The following SNX11 variants were observed in gnomAD, a reference collection of about 807,000 sequenced individuals.
SNX11 encodes sorting nexin 11.
SNX11 carries 19 observed loss-of-function variants against 30.7 expected under a neutral mutation model. That is an observed-to-expected ratio of 0.62 (90% CI 0.43 to 0.91). SNX11 has a LOEUF of 0.91. Among genes scored for constraint, SNX11 ranks in the 40% least tolerant of loss-of-function variants. SNX11 has a pLI of 0.00. For synonymous variants in SNX11, 112 were observed against 119.0 expected, an observed-to-expected ratio of 0.94 and a Z score of 0.38; for missense variants, 302 against 326.7, an observed-to-expected ratio of 0.92 and a Z score of 0.58.
chr17:48,120,300 A>G (rs1415491661), intron 6 of SNX11, among the ~76,000 whole-genome samples: 3 of 135,848 alleles, frequency 2.2e-5, no homozygotes, highest in East Asian at 2.2e-4. Context: ...TCCGCCTCCC[A>G]GGTTCAAGCA....
Position 48,113,431 on chromosome 17 carries a change from C to A in SNX11, c.230+30C>A. 2.0e-6 allele frequency: 3 copies of A among 1,536,354 alleles called. No individual in the cohort carries two copies. The South Asian group carries it at 3.4e-5, about 17-fold the overall frequency. Reference sequence around the variant, plus strand: ...GTTTGCTCTTGCTTCCTTCTTGGGTCTGTGACTGGCTTTTTGGGTGCTTAT... The same window carrying A: ...GTTTGCTCTTGCTTCCTTCTTGGGTATGTGACTGGCTTTTTGGGTGCTTAT... On this transcript the variant is annotated intron_variant, in intron 4 of 6. Transcript: ENST00000359238.
In SNX11 at chr17:48,112,092, G is replaced by A; in HGVS notation, c.42+7G>A. 2.5e-6 allele frequency: 4 copies of A among 1,613,470 alleles called. No individual in the cohort carries two copies. Among genetic ancestry groups the A allele is most frequent in the Non-Finnish European group, 3.4e-6 (4 of 1,179,440 alleles). On this transcript the variant is annotated splice_region_variant and intron_variant, in intron 2 of 6. Transcript: ENST00000359238. ...GGAGAACCAAGAACAGGAGGTAAGA[G>A]TATGGTCTGCAGAGAACAGGTGGGT...
intron 6 of SNX11, among the ~76,000 whole-genome samples, chr17:48,119,612 TG>T (rs1245235918): frequency 6.6e-6 from 1 of 152,052 alleles, no homozygotes; most frequent in Non-Finnish European, 1.5e-5. Context: ...CCACCACACC[TG>T]GCTAAGTTTT....
Position 48,112,054 on chromosome 17 carries a change from G to A in SNX11, c.11G>A (p.Trp4Ter), listed in dbSNP as rs1192697429. 6.2e-7 allele frequency: 1 copy of A among 1,613,642 alleles called. No individual in the cohort carries two copies. The part of the protein sequence containing the change: MGF[W>*]CRMSENQEQE... Reference sequence around the variant, plus strand: ...AGATGTTTCCTTCCAATGGGCTTTTGGTGTAGGATGTCGGAGAACCAAGAA... The same window carrying A: ...AGATGTTTCCTTCCAATGGGCTTTTAGTGTAGGATGTCGGAGAACCAAGAA... Residue 4 changes from tryptophan to a stop codon, truncating the protein, a stop_gained, in exon 2 of 7, where the codon TGG becomes TAG. Transcript: ENST00000359238. LOFTEE classifies it high-confidence loss of function.
rs1177371127 is a variant in SNX11, at chr17:48,121,540, A to C, written c.*32A>C. 1 of 1,606,808 alleles carries C rather than the reference A, an allele frequency of 6.2e-7. No homozygotes were observed. Among genetic ancestry groups the C allele is most frequent in the East Asian group, 2.2e-5 (1 of 44,840 alleles). ...GGTTCTGCTCTGAGATGGTCAGAGA[A>C]GATGCGGGCCAGGAGACTTACTCAG... is the stretch of plus-strand genomic sequence containing the variant. On this transcript the variant is annotated 3_prime_UTR_variant, in exon 7 of 7. Transcript: ENST00000359238.
At chr17:48,116,197 G>A (rs2063544824) in intron 4 of SNX11, among the ~76,000 whole-genome samples, 1 of 152,098 alleles carries the variant, frequency 6.6e-6, no homozygotes, top group Non-Finnish European at 1.5e-5. Flanking sequence ...GGCAGAGGTT[G>A]CAGTGAGCTG....
intron 4 of SNX11, among the ~76,000 whole-genome samples, chr17:48,115,705 A>G (rs2063538675): frequency 1.3e-5 from 2 of 152,170 alleles, no homozygotes; most frequent in South Asian, 2.1e-4. Context: ...CCACCTGCCA[A>G]ATAAGTCCTG....
chr17:48,119,404 G>A (rs2063576949), intron 6 of SNX11, among the ~76,000 whole-genome samples: 1 of 152,142 alleles, frequency 6.6e-6, no homozygotes, highest in Non-Finnish European at 1.5e-5. Flanking sequence ...AGAAGGGAAA[G>A]CTTTCTCATT....
chr17:48,114,684 CTTT>C (rs35097487), intron 4 of SNX11, among the ~76,000 whole-genome samples: 2 of 112,884 alleles, frequency 1.8e-5, no homozygotes, highest in Non-Finnish European at 1.7e-5. Flanking sequence ...GTTTTTTTTG[CTTT>C]TTTTTTTTTT....
Position 48,113,283 on chromosome 17 carries a change from A to G in SNX11, c.130-18A>G, listed in dbSNP as rs781172848. 8 of 1,601,092 alleles carry G rather than the reference A, an allele frequency of 5.0e-6. No homozygotes were observed. In the Admixed American group the frequency reaches 8.4e-5, roughly 17 times the overall value. ...CCACTAAACCCTTTTCATGTACTTC[A>G]TGTGCTTTCATGTATAGACCAACAG... On this transcript the variant is annotated intron_variant, in intron 3 of 6. Coordinates refer to ENST00000359238, the MANE Select transcript of SNX11 (RefSeq NM_013323.3).
intron 4 of SNX11, among the ~76,000 whole-genome samples, chr17:48,116,814 C>A (rs1037237265): frequency 6.6e-5 from 10 of 151,530 alleles, no homozygotes; most frequent in Admixed American, 6.6e-4. Context: ...GATCTACGTG[C>A]CTTGTCCTCC....
intron 1 of SNX11, among the ~76,000 whole-genome samples, chr17:48,111,348 C>G (rs1232822058): frequency 1.3e-5 from 2 of 152,066 alleles, no homozygotes; most frequent in Admixed American, 6.5e-5. Context: ...GTTAGGCTCG[C>G]TTTCAAAGCT....
chr17:48,118,296 T>C (rs1490410613), intron 4 of SNX11, among the ~76,000 whole-genome samples: 1 of 151,958 alleles, frequency 6.6e-6, no homozygotes, highest in African/African-American at 2.4e-5. Context: ...AAAAGCTAAT[T>C]GGGGCCAGGC....
At chr17:48,115,996 G>A (rs1385541031) in intron 4 of SNX11, among the ~76,000 whole-genome samples, 1 of 149,820 alleles carries the variant, frequency 6.7e-6, no homozygotes, top group Non-Finnish European at 1.5e-5. Flanking sequence ...TGCCGGTCGC[G>A]GTGGCTCACG....
chr17:48,115,994 G>A (rs552032788), intron 4 of SNX11, among the ~76,000 whole-genome samples: 6 of 146,414 alleles, frequency 4.1e-5, no homozygotes, highest in South Asian at 2.2e-4. Context: ...TCTGCCGGTC[G>A]CGGTGGCTCA....
At chr17:48,113,477 T>A in intron 4 of SNX11, 76 bp downstream of exon 4, 1 of 964,042 alleles carries the variant, frequency 1.0e-6, no homozygotes. Context: ...GAGTTGACAA[T>A]GAAGAGAACT....
In SNX11 at chr17:48,121,446, G is replaced by A. The variant is rs371253048; in HGVS notation, c.751G>A (p.Val251Met). ...CACTCTTCAGTCTGTGAGGAGGGCT[G>A]TGGGAGGAGATCATGCTGTGCCTTT... ...TSTLQSVRRA[V>M]GGDHAVPLDP... Residue 251 changes from valine to methionine, a missense_variant, in exon 7 of 7, where the codon GTG (valine) becomes ATG (methionine). Physicochemically the swap from Val to Met is conservative, Grantham distance 21. Coordinates refer to ENST00000359238, the MANE Select transcript of SNX11 (RefSeq NM_013323.3). 80 of 1,614,178 alleles carry A rather than the reference G, an allele frequency of 5.0e-5. No individual in the cohort carries two copies. In the African/African-American group the frequency reaches 1.0e-3, roughly 20 times the overall value.
chr17:48,107,904 G>A (rs1344163897), intron 1 of SNX11, 66 bp downstream of exon 1: 1 of 152,622 alleles, frequency 6.6e-6, no homozygotes, highest in Non-Finnish European at 1.5e-5. Flanking sequence ...GTGGGCTTGA[G>A]CGTCAGTAGT....
intron 4 of SNX11, among the ~76,000 whole-genome samples, chr17:48,115,229 T>G (rs1237498735): frequency 6.6e-6 from 1 of 151,668 alleles, no homozygotes; most frequent in African/African-American, 2.4e-5. Context: ...GCCCAGCTAA[T>G]TTTTGTGTTT....
Sources: gnomAD v4.1 joint callset for allele counts (sites outside exome capture counted in the v4.1 genomes callset) on GRCh38, gnomAD v4.1.1 for gene constraint, MANE v1.5 for transcripts, NCBI Gene and HGNC (gene_info 2026-07-23, HGNC 2026-07-21) for gene names.